PRKCI: variants seen among roughly 807,000 people sequenced by gnomAD.
The protein encoded by PRKCI is protein kinase C iota type.
PRKCI carries 43 observed loss-of-function variants against 84.0 expected under a neutral mutation model. The ratio of observed to expected loss-of-function variants is 0.51; its 90% CI spans 0.40 to 0.66. The LOEUF is 0.66. Among genes scored for constraint, PRKCI ranks in the 30% least tolerant of loss-of-function variants. PRKCI has a pLI of 0.00. For missense variants in PRKCI, 459 were observed against 745.6 expected, an observed-to-expected ratio of 0.62 and a Z score of 4.48; for synonymous variants, 216 against 234.4, an observed-to-expected ratio of 0.92 and a Z score of 0.72.
Position 170,303,145 on chromosome 3 carries a change from T to G in PRKCI, c.*18T>G. Reference sequence around the variant, plus strand: ...GTGTCTGATCCTCATTTTTCAACCATGTATTCTACTCATGTTGCCATTTAA... The same window carrying G: ...GTGTCTGATCCTCATTTTTCAACCAGGTATTCTACTCATGTTGCCATTTAA... On this transcript the variant is annotated 3_prime_UTR_variant, in exon 18 of 18. Coordinates refer to ENST00000295797, the MANE Select transcript of PRKCI (RefSeq NM_002740.6). 6.4e-7 allele frequency: 1 copy of G among 1,557,980 alleles called. No individual in the cohort carries two copies. The highest frequency in any genetic ancestry group is 8.8e-7 in the Non-Finnish European group (1 of 1,139,814).
intron 2 of PRKCI, among the ~76,000 whole-genome samples, chr3:170,249,382 C>CAGAGAGAGAGAGAGAAAGG (rs925605979): frequency 6.7e-6 from 1 of 149,818 alleles, no homozygotes; most frequent in East Asian, 1.9e-4. Context: ...TCATTTACGA[C>CAGAGAGAGAGAGAGAAAGG]AGAGAGAGAG....
intron 2 of PRKCI, among the ~76,000 whole-genome samples, chr3:170,239,559 C>G (rs1733067286): frequency 6.6e-6 from 1 of 152,130 alleles, no homozygotes; most frequent in African/African-American, 2.4e-5. Flanking sequence ...TAGCGATAGT[C>G]CATTAAACGT....
In PRKCI at chr3:170,250,506, A is replaced by C. The variant is rs1271983206; in HGVS notation, c.224-9463A>C. Among the ~76,000 whole-genome samples the C allele has an allele frequency of 2.4e-5, 3 of 125,692 alleles. No individual in the cohort carries two copies. In the South Asian group the frequency reaches 7.8e-4, roughly 33 times the overall value. The allele number at this position is 125,692 out of a possible 152,430, so 82.5% of individuals were successfully genotyped here. A position where few individuals can be genotyped will look rare whatever the true frequency, so the allele number is the denominator to read the frequency against. On this transcript the variant is annotated intron_variant, in intron 2 of 17. Transcript: ENST00000295797. Reference sequence around the variant, plus strand: ...GTTTCCCCCCTACCCCTTTCTCTGCAGGCCCCAGACCTAGACAACCACTAA... The same window carrying C: ...GTTTCCCCCCTACCCCTTTCTCTGCCGGCCCCAGACCTAGACAACCACTAA...
chr3:170,236,733 C>G (rs897057096), intron 2 of PRKCI, among the ~76,000 whole-genome samples: 1 of 151,770 alleles, frequency 6.6e-6, no homozygotes, highest in African/African-American at 2.4e-5. Flanking sequence ...TGGTAGCGTG[C>G]ACCTGTGGTC....
At chr3:170,295,835 C>A in intron 14 of PRKCI, 76 bp from the exon 15 acceptor site, 1 of 848,976 alleles carries the variant, frequency 1.2e-6, no homozygotes, top group Non-Finnish European at 1.7e-6. Context: ...ACAGAACAAG[C>A]CCCTTTCAAA....
At chr3:170,288,051 C>T (rs2108862966) in intron 12 of PRKCI, among the ~76,000 whole-genome samples, 1 of 151,924 alleles carries the variant, frequency 6.6e-6, no homozygotes, top group East Asian at 1.9e-4. Flanking sequence ...TGAGACCATC[C>T]TGGCTAACAT....
intron 8 of PRKCI, among the ~76,000 whole-genome samples, chr3:170,276,464 T>TC (rs1734118167): frequency 6.6e-6 from 1 of 151,930 alleles, no homozygotes; most frequent in African/African-American, 2.4e-5. Context: ...CTTTTTTTTT[T>TC]CTTTTTATTT....
In PRKCI at chr3:170,260,020, T is replaced by C. The variant is rs1170271274; in HGVS notation, c.275T>C (p.Leu92Pro). The C allele has an allele frequency of 2.5e-6, 4 of 1,613,010 alleles. No individual in the cohort carries two copies. Among genetic ancestry groups the C allele is most frequent in the Non-Finnish European group, 3.4e-6 (4 of 1,179,364 alleles). The change falls in exon 3 of 18, where the codon CTT becomes CCT. Residue 92 changes from leucine to proline, a missense_variant. Around this residue, in one of 2 missense-constraint regions of PRKCI, gnomAD observed 250 missense variants for 319.7 expected, o/e 0.78. Coordinates refer to ENST00000295797, the MANE Select transcript of PRKCI (RefSeq NM_002740.6). Reference sequence around the variant, plus strand: ...TTGGAGTTAGAAGAAGCCTTTAGACTTTATGAGCTAAACAAGGATTCTGAA... The same window carrying C: ...TTGGAGTTAGAAGAAGCCTTTAGACCTTATGAGCTAAACAAGGATTCTGAA... ...SQLELEEAFR[L>P]YELNKDSELL... is the part of the protein sequence containing the mutation.
chr3:170,302,036 C>T (rs1734833495), intron 17 of PRKCI, among the ~76,000 whole-genome samples: 2 of 152,170 alleles, frequency 1.3e-5, no homozygotes, highest in African/African-American at 4.8e-5. Context: ...TCCTGTGTAT[C>T]CCGCCTTCAT....
At chr3:170,299,203 T>C (rs1345199640) in intron 17 of PRKCI, 93 bp downstream of exon 17, 1 of 575,260 alleles carries the variant, frequency 1.7e-6, no homozygotes. Context: ...GATTATACTA[T>C]AATTTTTTTA....
In PRKCI at chr3:170,263,396, G is replaced by C; in HGVS notation, c.331G>C (p.Glu111Gln). The change falls in exon 4 of 18, where the codon GAA (glutamate) becomes CAA (glutamine). Residue 111 changes from glutamate to glutamine, a missense_variant. Physicochemically the swap from Glu to Gln is conservative, Grantham distance 29. Around this residue, in one of 2 missense-constraint regions of PRKCI, gnomAD observed 250 missense variants for 319.7 expected, o/e 0.78. Transcript: ENST00000295797. ...LLIHVFPCVP[E>Q]RPGMPCPGED... ...TCTTTCAGTGTTCCCTTGTGTACCA[G>C]AACGTCCTGGGATGCCTTGTCCAGG... 6.2e-7 allele frequency: 1 copy of C among 1,603,710 alleles called. No individual in the cohort carries two copies. The highest frequency in any genetic ancestry group is 8.5e-7 in the Non-Finnish European group (1 of 1,170,714).
rs1734899334 is a variant in PRKCI at position 170,304,247 on chromosome 3, T to G, written c.*1120T>G. Reference sequence around the variant, plus strand: ...AAGGAAAAAAACCAGAAATTTAAAATAGATACAGAAAAGTACACTGGTAAT... The same window carrying G: ...AAGGAAAAAAACCAGAAATTTAAAAGAGATACAGAAAAGTACACTGGTAAT... On this transcript the variant is annotated 3_prime_UTR_variant, in exon 18 of 18. Coordinates refer to ENST00000295797, the MANE Select transcript of PRKCI (RefSeq NM_002740.6). The G allele has an allele frequency of 6.6e-6, 1 of 152,122 alleles. No individual in the cohort carries two copies. The highest frequency in any genetic ancestry group is 2.1e-4 in the South Asian group (1 of 4,832). 9.4% of individuals were successfully genotyped at this position (152,122 alleles called of 1,614,324 possible). A position where few individuals can be genotyped will look rare whatever the true frequency, so the allele number is the denominator to read the frequency against.
rs1398618808 is a variant in PRKCI, at chr3:170,280,220, T to C, written c.706-7T>C. The C allele has an allele frequency of 1.2e-6, 2 of 1,607,084 alleles. No individual in the cohort carries two copies. The highest frequency in any genetic ancestry group is 8.5e-7 in the Non-Finnish European group (1 of 1,177,956). On this transcript the variant is annotated splice_region_variant and splice_polypyrimidine_tract_variant and intron_variant, in intron 8 of 17. Transcript: ENST00000295797. ...CATTATAACTCTGATACAAATGTTC[T>C]CAACAGGCAATGAACACCAGGGAAA... is the stretch of plus-strand genomic sequence containing the variant.
rs1317606455 is a variant in PRKCI at position 170,305,876 on chromosome 3, T to C, written c.*2749T>C. ...ATTTACTTAAATCTGTTTTTATTTT[T>C]GTCATGTAGAATACTACTGTGGTCA... On this transcript the variant is annotated 3_prime_UTR_variant, in exon 18 of 18. Coordinates refer to ENST00000295797, the MANE Select transcript of PRKCI (RefSeq NM_002740.6). 6.6e-6 allele frequency: 1 copy of C among 152,176 alleles called. No homozygotes were observed. The highest frequency in any genetic ancestry group is 6.5e-5 in the Admixed American group (1 of 15,274). 9.4% of individuals were successfully genotyped at this position (152,176 alleles called of 1,614,324 possible).
chr3:170,267,712 G>A (rs1268459513), intron 4 of PRKCI, among the ~76,000 whole-genome samples: 4 of 149,442 alleles, frequency 2.7e-5, no homozygotes, highest in East Asian at 2.0e-4. Flanking sequence ...GCAGTAGGCA[G>A]TAGTAGTCAA....
chr3:170,284,473 A>G lies in PRKCI; in HGVS notation c.1080A>G (p.Ala360=). The G allele has an allele frequency of 6.3e-7, 1 of 1,577,646 alleles. No homozygotes were observed. The highest frequency in any genetic ancestry group is 8.7e-7 in the Non-Finnish European group (1 of 1,153,268). The part of the protein sequence containing the change: ...LPEEHARFYS[A]EISLALNYLH... The stretch of plus-strand genomic sequence containing the variant: ...TATTTAATTTTAGATTTTACTCTGC[A>G]GAAATCAGTCTAGCATTAAATTATC... The change falls in exon 12 of 18, where the codon GCA becomes GCG. Residue 360 remains alanine, a synonymous_variant. Transcript: ENST00000295797.
At chr3:170,252,318 T>C (rs1733472149) in intron 2 of PRKCI, among the ~76,000 whole-genome samples, 1 of 76,116 alleles carries the variant, frequency 1.3e-5, no homozygotes, top group South Asian at 6.7e-4. Context: ...AAATTTTAAA[T>C]GGGCAGACTT....
intron 1 of PRKCI, among the ~76,000 whole-genome samples, chr3:170,229,886 A>G (rs1732741380): frequency 6.6e-6 from 1 of 152,130 alleles, no homozygotes; most frequent in Non-Finnish European, 1.5e-5. Flanking sequence ...TATTTTTACA[A>G]GTATCTTTTA....
In PRKCI at chr3:170,299,001, C is replaced by G; in HGVS notation, c.1594C>G (p.Gln532Glu). Residue 532 changes from glutamine (Q) to glutamate (E), a missense_variant, in exon 17 of 18, where the codon CAA (glutamine) becomes GAA (glutamate). By Grantham distance (29) the Gln-to-Glu change is conservative (BLOSUM62 2). Coordinates refer to ENST00000295797, the MANE Select transcript of PRKCI (RefSeq NM_002740.6). Reference protein sequence around the residue: ...FRNVDWDMMEQKQVVPPFKPN... With the variant: ...FRNVDWDMMEEKQVVPPFKPN... ...ATCCAGTATGTCTTTTCAGATGGAG[C>G]AAAAACAGGTGGTACCTCCCTTTAA... is the stretch of plus-strand genomic sequence containing the variant. The G allele has an allele frequency of 1.2e-6, 2 of 1,609,032 alleles. No homozygotes were observed. Among genetic ancestry groups the G allele is most frequent in the Non-Finnish European group, 1.7e-6 (2 of 1,177,038 alleles).
Sources: gnomAD v4.1 joint callset for allele counts (sites outside exome capture counted in the v4.1 genomes callset) on GRCh38, gnomAD v4.1.1 for gene constraint, gnomAD v4.1.1 regional missense constraint, MANE v1.5 for transcripts, NCBI Gene and HGNC (gene_info 2026-07-23, HGNC 2026-07-21) for gene names.